SEC63: variants seen among roughly 807,000 people sequenced by gnomAD.
SEC63 encodes the protein translocation protein SEC63 homolog.
Under a neutral mutation model 116.2 loss-of-function variants are expected in SEC63, and 56 were observed. The ratio of observed to expected loss-of-function variants is 0.48; its 90% CI spans 0.39 to 0.60. The LOEUF is 0.60. Ranked by LOEUF, SEC63 falls within the 20% of genes least tolerant of loss-of-function variation. The probability of loss-of-function intolerance (pLI) is 0.00; values close to 1 mark genes in which losing one functional copy is unlikely to be tolerated. For synonymous variants in SEC63, 273 were observed against 294.6 expected, an observed-to-expected ratio of 0.93 and a Z score of 0.75; for missense variants, 668 against 900.0, an observed-to-expected ratio of 0.74 and a Z score of 3.30.
intron 1 of SEC63, among the ~76,000 whole-genome samples, chr6:107,944,610 T>C (rs1287214516): frequency 6.6e-6 from 1 of 152,014 alleles, no homozygotes; most frequent in African/African-American, 2.4e-5. Context: ...GGCAGGAGAA[T>C]CACTTAAACC....
At chr6:107,910,503 G>A (rs994877257) in intron 7 of SEC63, among the ~76,000 whole-genome samples, 6 of 151,836 alleles carry the variant, frequency 4.0e-5, no homozygotes, top group African/African-American at 1.5e-4. Flanking sequence ...CAGTTTCCCT[G>A]TATTTAAAAC....
chr6:107,869,007 C>T lies in SEC63; in HGVS notation c.*2697G>A, dbSNP rs1343665776. ...GCCTAGAGAGCCTCATTATATCTCTCCCTCCCTGTTTCCACATCAGTTGTT... is the reference window on the plus strand; with the variant it reads ...GCCTAGAGAGCCTCATTATATCTCTTCCTCCCTGTTTCCACATCAGTTGTT... On this transcript the variant is annotated 3_prime_UTR_variant, in exon 21 of 21. Transcript: ENST00000369002. The T allele has an allele frequency of 1.3e-5, 2 of 152,214 alleles. No individual in the cohort carries two copies. The highest frequency in any genetic ancestry group is 4.8e-5 in the African/African-American group (2 of 41,396). 9.4% of individuals were successfully genotyped at this position (152,214 alleles called of 1,614,324 possible).
rs185944760 is a variant in SEC63 at position 107,932,704 on chromosome 6, T to C, written c.125-3190A>G. ...ATGTCTTTTAATAAAGAAATACAAATGCAGTTCTAAATACATATATACATA... is the reference window on the plus strand; with the variant it reads ...ATGTCTTTTAATAAAGAAATACAAACGCAGTTCTAAATACATATATACATA... On this transcript the variant is annotated intron_variant, in intron 1 of 20. Transcript: ENST00000369002. 2.1e-3 allele frequency among the ~76,000 whole-genome samples: 317 copies of C among 152,254 alleles called. 5 individuals carry two copies. Among genetic ancestry groups the C allele is most frequent in the Admixed American group, 0.018 (273 of 15,292 alleles).
chr6:107,878,530 A>G (rs985697026), intron 18 of SEC63, among the ~76,000 whole-genome samples: 1 of 152,168 alleles, frequency 6.6e-6, no homozygotes, highest in Non-Finnish European at 1.5e-5. Flanking sequence ...CCAACCTCTC[A>G]GCCTATTTAA....
chr6:107,918,675 GA>G (rs1787472129), intron 4 of SEC63, among the ~76,000 whole-genome samples: 1 of 148,374 alleles, frequency 6.7e-6, no homozygotes, highest in African/African-American at 2.5e-5. Context: ...CTGGGCAACA[GA>G]GTGAGACTCC....
At chr6:107,876,889 A>G (rs1786288135) in intron 18 of SEC63, 1 of 497,314 alleles carries the variant, frequency 2.0e-6, no homozygotes, top group Admixed American at 3.3e-5. Flanking sequence ...GGATTTCAAT[A>G]GCTCCTTAAA....
rs145730475 is a variant in SEC63, at chr6:107,908,964, T to C, written c.696A>G (p.Thr232=). The C allele has an allele frequency of 2.2e-5, 35 of 1,612,766 alleles. No homozygotes were observed. Among genetic ancestry groups the C allele is most frequent in the Non-Finnish European group, 2.8e-5 (33 of 1,178,908 alleles). The change falls in exon 8 of 21, where the codon ACA becomes ACG. Residue 232 remains threonine (T), a synonymous_variant. Transcript: ENST00000369002. The stretch of plus-strand genomic sequence containing the variant: ...TATTTCGGGTTTTATAAACAAAGTA[T>C]GTATAAATCTGTGTTGTGCGTATTA... The part of the protein sequence containing the change: ...QILIRTTQIY[T]YFVYKTRNMD...
chr6:107,913,116 C>T (rs984271810), intron 5 of SEC63, among the ~76,000 whole-genome samples: 37 of 152,008 alleles, frequency 2.4e-4, no homozygotes, highest in Non-Finnish European at 5.9e-5. Flanking sequence ...TTTTTTCCTC[C>T]AAATTTTTAT....
intron 16 of SEC63, among the ~76,000 whole-genome samples, chr6:107,884,868 G>A (rs945422374): frequency 6.6e-6 from 1 of 151,848 alleles, no homozygotes; most frequent in East Asian, 1.9e-4. Context: ...TTCCAGGAAT[G>A]CAGGGATGGT....
intron 1 of SEC63, among the ~76,000 whole-genome samples, chr6:107,947,111 G>C (rs1408018698): frequency 6.6e-6 from 1 of 152,074 alleles, no homozygotes; most frequent in East Asian, 1.9e-4. Context: ...CACAGCCTTG[G>C]TGACCTGGTG....
At chr6:107,872,041 T>G (rs574638870) in intron 20 of SEC63, among the ~76,000 whole-genome samples, 194 bp from the exon 21 acceptor site, 1 of 152,372 alleles carries the variant, frequency 6.6e-6, no homozygotes, top group South Asian at 2.1e-4. Context: ...TTTAACAATA[T>G]GTAAATGTAG....
Position 107,871,706 on chromosome 6 carries a change from AG to A in SEC63, c.2280del (p.Ter761LysfsTer59), listed in dbSNP as rs1195487105. On this transcript the variant is annotated frameshift_variant, in exon 21 of 21. Transcript: ENST00000369002. LOFTEE classifies it high-confidence loss of function. ...EEEEEEEEDD[D>X] ...CTGTGGTCCATTCAGAGTACTGCTT[AG>A]TCATCATCTTCTTCTTCCTCCTCTT... is the stretch of plus-strand genomic sequence containing the variant. 3.1e-6 allele frequency: 5 copies of A among 1,612,314 alleles called. No individual in the cohort carries two copies. Among genetic ancestry groups the A allele is most frequent in the Non-Finnish European group, 4.2e-6 (5 of 1,179,674 alleles).
chr6:107,955,257 G>GTTCAAGCAATTCTCCCTGCCTCA (rs1157059161), intron 1 of SEC63, among the ~76,000 whole-genome samples: 1 of 152,162 alleles, frequency 6.6e-6, no homozygotes, highest in Non-Finnish European at 1.5e-5. Flanking sequence ...CAGCTCCCGG[G>GTTCAAGCAATTCTCCCTGCCTCA]TTCAAGCAAT....
intron 16 of SEC63, among the ~76,000 whole-genome samples, chr6:107,884,195 G>T (rs188307992): frequency 1.3e-5 from 2 of 150,854 alleles, no homozygotes; most frequent in African/African-American, 4.9e-5. Flanking sequence ...GCTTGAACTT[G>T]GTAGGCGGAG....
chr6:107,903,196 C>T, intron 11 of SEC63, 198 bp from the exon 12 acceptor site: 2 of 639,338 alleles, frequency 3.1e-6, no homozygotes, highest in Non-Finnish European at 5.5e-6. Flanking sequence ...TTTCCAGCAA[C>T]AACCATTGAT....
chr6:107,899,578 T>C (rs1786949815), intron 13 of SEC63, among the ~76,000 whole-genome samples: 2 of 151,886 alleles, frequency 1.3e-5, no homozygotes, highest in Non-Finnish European at 2.9e-5. Flanking sequence ...TAGCTGGGCA[T>C]GGTGGTGGCA....
chr6:107,897,989 G>A (rs1226057676), intron 13 of SEC63, among the ~76,000 whole-genome samples: 1 of 152,130 alleles, frequency 6.6e-6, no homozygotes, highest in Non-Finnish European at 1.5e-5. Flanking sequence ...GTTTAGCCAG[G>A]CTTGGTGGCT....
At chr6:107,921,240 C>T (rs918537456) in intron 4 of SEC63, among the ~76,000 whole-genome samples, 1 of 151,930 alleles carries the variant, frequency 6.6e-6, no homozygotes, top group Non-Finnish European at 1.5e-5. Context: ...GTATACCCTC[C>T]TCTAATCAAA....
In SEC63 at chr6:107,904,732, A is replaced by G; in HGVS notation, c.962-11T>C. ...GCATGAATTGCTGATCTGCAAAACA[A>G]TAAAAAACCTGAAACAGATCATTTT... is the stretch of plus-strand genomic sequence containing the variant. On this transcript the variant is annotated splice_polypyrimidine_tract_variant and intron_variant, in intron 10 of 20. Coordinates refer to ENST00000369002, the MANE Select transcript of SEC63 (RefSeq NM_007214.5). The G allele has an allele frequency of 5.1e-6, 8 of 1,584,118 alleles. No homozygotes were observed. The highest frequency in any genetic ancestry group is 6.9e-6 in the Non-Finnish European group (8 of 1,152,684).
Sources: gnomAD v4.1 joint callset for allele counts (sites outside exome capture counted in the v4.1 genomes callset) on GRCh38, gnomAD v4.1.1 for gene constraint, MANE v1.5 for transcripts, NCBI Gene and HGNC (gene_info 2026-07-23, HGNC 2026-07-21) for gene names.